Variants in TRAP1 observed in about 807,000 individuals in gnomAD.
TRAP1 encodes the protein TNF receptor associated protein 1.
In TRAP1, 102 loss-of-function variants were observed where a neutral mutation model predicts 89.1. The observed-to-expected ratio is 1.15, with a 90% CI of 0.98 to 1.35. TRAP1 has a LOEUF of 1.35. Among genes scored for constraint, TRAP1 ranks in the 40% most tolerant of loss-of-function variants. The pLI is 0.00. For missense variants in TRAP1, 1,256 were observed against 945.3 expected (o/e 1.33, Z -4.31); for synonymous variants, 508 against 388.0 (o/e 1.31, Z -3.64).
At chr16:3,665,867 AC>A (rs1256278083) in intron 12 of TRAP1, 103 bp downstream of exon 12, 21 of 1,387,378 alleles carry the variant, frequency 1.5e-5, no homozygotes, top group Non-Finnish European at 2.0e-5. Context: ...CAGCCAGGGT[AC>A]CCAGCTGCAC....
At chr16:3,669,412 GCCC>G (rs1255451450) in intron 11 of TRAP1, among the ~76,000 whole-genome samples, 1 of 152,106 alleles carries the variant, frequency 6.6e-6, no homozygotes, top group Non-Finnish European at 1.5e-5. Flanking sequence ...AAGCACTGAG[GCCC>G]CCTTTTCATT....
chr16:3,663,274 A>C, intron 14 of TRAP1, 150 bp downstream of exon 14: 1 of 1,018,356 alleles, frequency 9.8e-7, no homozygotes, highest in Non-Finnish European at 1.4e-6. Flanking sequence ...ACCTTCCTCC[A>C]GTCACCAGGG....
At position 3,658,181 on chromosome 16, in the gene TRAP1, G is replaced by GC; in HGVS notation, c.2062dup (p.Ala688GlyfsTer8). On this transcript the variant is annotated frameshift_variant, in exon 18 of 18. Coordinates refer to ENST00000246957, the MANE Select transcript of TRAP1 (RefSeq NM_016292.3). LOFTEE classifies it high-confidence loss of function. ...CAGCTCATTCAAGCGGCCCACCATG[G>GC]CCCTAGGGTCGTCAACAAGTCCAGC... 1 of 1,614,096 alleles carries GC rather than the reference G, an allele frequency of 6.2e-7. No homozygotes were observed.
chr16:3,699,131 C>T (rs1021380866), intron 1 of TRAP1, among the ~76,000 whole-genome samples: 29 of 152,146 alleles, frequency 1.9e-4, no homozygotes, highest in African/African-American at 6.7e-4. Flanking sequence ...TCCCCTTCCA[C>T]CCCCCACATC....
At chr16:3,704,278 G>A (rs1033124069) in intron 1 of TRAP1, 1 of 152,208 alleles carries the variant, frequency 6.6e-6, no homozygotes, top group African/African-American at 2.4e-5. Flanking sequence ...CTGGGAGGCA[G>A]AGGTTCAGTG....
rs1486402841 is a variant in TRAP1, at chr16:3,664,375, T to G, written c.1468A>C (p.Met490Leu). 6.2e-7 allele frequency: 1 copy of G among 1,612,662 alleles called. No homozygotes were observed. Among genetic ancestry groups the G allele is most frequent in the Admixed American group, 1.7e-5 (1 of 59,788 alleles). ...TAGATGTTGCGGGTGCCGGCCCGCATGCGGCTGGCGTATTCTGAGAGGCTG... is the reference window on the plus strand; with the variant it reads ...TAGATGTTGCGGGTGCCGGCCCGCAGGCGGCTGGCGTATTCTGAGAGGCTG... ...LTSLSEYASRMRAGTRNIYYL... is the reference protein window; with the variant it reads ...LTSLSEYASRLRAGTRNIYYL... Residue 490 changes from methionine to leucine, a missense_variant, in exon 13 of 18, where the codon ATG becomes CTG. Met to Leu is a conservative substitution (Grantham distance 15). Coordinates refer to ENST00000246957, the MANE Select transcript of TRAP1 (RefSeq NM_016292.3).
At chr16:3,675,791 C>T (rs1197375442) in intron 7 of TRAP1, among the ~76,000 whole-genome samples, 1 of 152,204 alleles carries the variant, frequency 6.6e-6, no homozygotes, top group African/African-American at 2.4e-5. Context: ...AGGCCAAGGG[C>T]CACGCAGAGG....
At chr16:3,664,109 G>A in intron 13 of TRAP1, 165 bp downstream of exon 13, 1 of 697,404 alleles carries the variant, frequency 1.4e-6, no homozygotes, top group South Asian at 2.6e-5. Flanking sequence ...ACCTCCAAGT[G>A]GGAAACAGCC....
At chr16:3,683,169 C>CA (rs1181171824) in intron 4 of TRAP1, among the ~76,000 whole-genome samples, 2,865 of 143,372 alleles carry the variant, frequency 0.02, 93 homozygotes, top group African/African-American at 0.068. Context: ...AACCCCATTT[C>CA]AAAAAAAAAA....
intron 1 of TRAP1, among the ~76,000 whole-genome samples, chr16:3,717,108 T>C (rs543732806): frequency 5.3e-4 from 80 of 152,300 alleles, no homozygotes; most frequent in Non-Finnish European, 2.6e-4. Flanking sequence ...GCACGTGCGC[T>C]ACCTGACTGG....
At chr16:3,705,362 C>T (rs1330253464) in intron 1 of TRAP1, among the ~76,000 whole-genome samples, 1 of 152,078 alleles carries the variant, frequency 6.6e-6, no homozygotes, top group African/African-American at 2.4e-5. Flanking sequence ...AGCCACCATG[C>T]CCGGACAACT....
At chr16:3,687,292 A>C (rs2051150634) in intron 3 of TRAP1, 1 of 152,100 alleles carries the variant, frequency 6.6e-6, no homozygotes, top group African/African-American at 2.4e-5. Context: ...GTAAGACGGG[A>C]CTTGTTCCTC....
intron 14 of TRAP1, 58 bp downstream of exon 14, chr16:3,663,366 G>A: frequency 6.2e-7 from 1 of 1,605,506 alleles, no homozygotes; most frequent in Non-Finnish European, 8.5e-7. Flanking sequence ...CTGCGGGGCA[G>A]GAGAGGCGTG....
intron 1 of TRAP1, among the ~76,000 whole-genome samples, chr16:3,709,697 C>G (rs1287070532): frequency 6.6e-6 from 1 of 152,106 alleles, no homozygotes; most frequent in African/African-American, 2.4e-5. Context: ...TGTTGCCAGG[C>G]TGGAGTGCAG....
chr16:3,707,857 CAAAAA>C (rs60090855), intron 1 of TRAP1, among the ~76,000 whole-genome samples: 2 of 102,650 alleles, frequency 1.9e-5, no homozygotes, highest in Non-Finnish European at 2.0e-5. Flanking sequence ...GACTCTAACT[CAAAAA>C]AAAAAAAAAA....
At chr16:3,700,939 G>A (rs539661683) in intron 1 of TRAP1, among the ~76,000 whole-genome samples, 2 of 152,238 alleles carry the variant, frequency 1.3e-5, no homozygotes, top group African/African-American at 4.8e-5. Context: ...TAATAAAATG[G>A]TAGCAATAAA....
intron 4 of TRAP1, 68 bp downstream of exon 4, chr16:3,685,928 C>G: frequency 1.3e-6 from 2 of 1,568,070 alleles, no homozygotes; most frequent in Non-Finnish European, 1.7e-6. Flanking sequence ...CGAGACATCA[C>G]TAGAAGGCGG....
intron 16 of TRAP1, chr16:3,660,178 T>C (rs2042989203): frequency 6.6e-6 from 1 of 152,172 alleles, no homozygotes; most frequent in Admixed American, 6.5e-5. Context: ...AAGTTCCCCC[T>C]TGGAAGCCCA....
At chr16:3,694,266 T>G (rs188799749) in intron 1 of TRAP1, among the ~76,000 whole-genome samples, 8 of 152,198 alleles carry the variant, frequency 5.3e-5, no homozygotes, top group African/African-American at 1.9e-4. Flanking sequence ...CAGTGTGACC[T>G]CATCACAACC....
Sources: allele counts gnomAD v4.1 joint callset (sites outside exome capture counted in the v4.1 genomes callset), GRCh38; gene constraint gnomAD v4.1.1; transcripts MANE v1.5; gene names NCBI Gene and HGNC (gene_info 2026-07-23, HGNC 2026-07-21).